The following FHIT variants were observed in gnomAD, a reference collection of about 807,000 sequenced individuals.
FHIT encodes bis(5'-adenosyl)-triphosphatase.
Under a neutral mutation model 17.9 loss-of-function variants are expected in FHIT, and 19 were observed. The observed-to-expected ratio is 1.06, with a 90% CI of 0.74 to 1.56. The LOEUF is 1.56. FHIT is among the 40% of genes most tolerant of loss of function. The pLI is 0.00. For synonymous variants in FHIT, 81 were observed against 69.7 expected (o/e 1.16, Z -0.81); for missense variants, 248 against 189.2 (o/e 1.31, Z -1.82).
intron 5 of FHIT, among the ~76,000 whole-genome samples, chr3:60,066,266 C>T (rs1702499354): frequency 1.3e-5 from 2 of 152,020 alleles, no homozygotes; most frequent in Admixed American, 1.3e-4. Context: ...CATTTCTCAC[C>T]TTGTTCTCAT....
At chr3:60,009,523 T>A (rs1200561989) in intron 7 of FHIT, among the ~76,000 whole-genome samples, 1 of 152,126 alleles carries the variant, frequency 6.6e-6, no homozygotes, top group Non-Finnish European at 1.5e-5. Context: ...TTTGGCCAGA[T>A]AATTGGGACA....
intron 5 of FHIT, among the ~76,000 whole-genome samples, chr3:60,157,587 G>A (rs912284542): frequency 2.0e-5 from 3 of 152,186 alleles, no homozygotes; most frequent in Non-Finnish European, 4.4e-5. Context: ...CTGAGGAAAA[G>A]GCAGAGTAGA....
chr3:59,858,836 T>TA (rs1457277395), intron 8 of FHIT, among the ~76,000 whole-genome samples: 1 of 152,080 alleles, frequency 6.6e-6, no homozygotes, highest in African/African-American at 2.4e-5. Context: ...GGAAAAGACT[T>TA]AGATTTGAAT....
chr3:59,966,189 C>CA (rs1193841294), intron 7 of FHIT, among the ~76,000 whole-genome samples: 21 of 152,150 alleles, frequency 1.4e-4, no homozygotes, highest in Non-Finnish European at 1.5e-5. Context: ...TCTTAGTATT[C>CA]AACCTCCCAT....
intron 4 of FHIT, among the ~76,000 whole-genome samples, chr3:60,724,618 T>C (rs2041876124): frequency 1.3e-5 from 2 of 151,504 alleles, no homozygotes; most frequent in South Asian, 4.2e-4. Flanking sequence ...TTTCTCCACA[T>C]CCTTGCTAAT....
At chr3:60,456,458 C>T (rs1447168408) in intron 5 of FHIT, among the ~76,000 whole-genome samples, 2 of 152,186 alleles carry the variant, frequency 1.3e-5, no homozygotes, top group Admixed American at 1.3e-4. Context: ...ACACTATGTA[C>T]CTTCTTAAAT....
At chr3:60,196,047 A>T (rs1156515096) in intron 5 of FHIT, among the ~76,000 whole-genome samples, 4 of 152,158 alleles carry the variant, frequency 2.6e-5, no homozygotes, top group Admixed American at 2.0e-4. Flanking sequence ...AACGAAAAAA[A>T]CTTGAAAGTG....
chr3:60,797,107 A>G (rs1701009889), intron 4 of FHIT, among the ~76,000 whole-genome samples: 1 of 152,190 alleles, frequency 6.6e-6, no homozygotes, highest in Non-Finnish European at 1.5e-5. Flanking sequence ...GCATTTTCTA[A>G]TCACCATAAG....
intron 5 of FHIT, among the ~76,000 whole-genome samples, chr3:60,075,688 G>A (rs568429395): frequency 5.9e-4 from 90 of 152,040 alleles, no homozygotes; most frequent in Middle Eastern, 6.8e-3. Flanking sequence ...CAAAGATCCT[G>A]TTTGTTTACC....
chr3:59,866,677 C>T (rs1049137544), intron 8 of FHIT, among the ~76,000 whole-genome samples: 2 of 152,112 alleles, frequency 1.3e-5, no homozygotes, highest in African/African-American at 4.8e-5. Context: ...CTTGAAATCA[C>T]TAACCAGAAT....
chr3:59,896,805 C>A (rs1704092459), intron 8 of FHIT, among the ~76,000 whole-genome samples: 1 of 152,032 alleles, frequency 6.6e-6, no homozygotes, highest in Non-Finnish European at 1.5e-5. Context: ...TATTCACAAG[C>A]AGTATCAGAG....
At chr3:60,525,826 G>A (rs1455629922) in intron 5 of FHIT, among the ~76,000 whole-genome samples, 3 of 152,074 alleles carry the variant, frequency 2.0e-5, no homozygotes, top group Non-Finnish European at 4.4e-5. Context: ...GTGACAGGTG[G>A]CCAGGTGTGG....
At chr3:59,973,528 T>C (rs1158182155) in intron 7 of FHIT, among the ~76,000 whole-genome samples, 2 of 152,162 alleles carry the variant, frequency 1.3e-5, no homozygotes, top group African/African-American at 4.8e-5. Flanking sequence ...AGAAGATCTC[T>C]TGTGGTCTTT....
chr3:60,365,920 T>C (rs1011029595), intron 5 of FHIT, among the ~76,000 whole-genome samples: 6 of 152,292 alleles, frequency 3.9e-5, no homozygotes, highest in Admixed American at 2.6e-4. Context: ...GCATGTAACA[T>C]TCATAGATGC....
chr3:59,901,075 T>A (rs1463568693), intron 8 of FHIT, among the ~76,000 whole-genome samples: 1 of 152,244 alleles, frequency 6.6e-6, no homozygotes, highest in Non-Finnish European at 1.5e-5. Flanking sequence ...TGCTTTTGTT[T>A]CTGTTCTCAT....
chr3:59,936,020 A>G (rs1706220613), intron 7 of FHIT, among the ~76,000 whole-genome samples: 1 of 152,144 alleles, frequency 6.6e-6, no homozygotes, highest in African/African-American at 2.4e-5. Context: ...TTCTAGCCTC[A>G]CATAAATCCC....
In FHIT at chr3:59,960,554, G is replaced by A. The variant is rs752020295; in HGVS notation, c.280-38140C>T. On this transcript the variant is annotated intron_variant, in intron 7 of 9. Transcript: ENST00000492590. ...TAGGAGTTCAGAAAAGAGGTCTGGG[G>A]TGGAGACATTATCTTGACAGTCAGT... is the stretch of plus-strand genomic sequence containing the variant. Among the ~76,000 whole-genome samples, 5 of 150,094 alleles carry A rather than the reference G, an allele frequency of 3.3e-5. No individual in the cohort carries two copies. The East Asian group carries it at 5.9e-4, about 18-fold the overall frequency.
At chr3:60,843,747 T>C (rs1702822646) in intron 3 of FHIT, among the ~76,000 whole-genome samples, 1 of 152,194 alleles carries the variant, frequency 6.6e-6, no homozygotes, top group South Asian at 2.1e-4. Flanking sequence ...TGAATTTCTT[T>C]TTCTCTGTGT....
intron 5 of FHIT, among the ~76,000 whole-genome samples, chr3:60,188,203 CTTTCTT>C (rs1559711305): frequency 1.6e-5 from 1 of 64,054 alleles, no homozygotes; most frequent in African/African-American, 5.0e-5. Flanking sequence ...TTGACAGTTT[CTTTCTT>C]TTTTTTTTTT....
Sources: allele counts gnomAD v4.1 joint callset (sites outside exome capture counted in the v4.1 genomes callset), GRCh38; gene constraint gnomAD v4.1.1; transcripts MANE v1.5; gene names NCBI Gene and HGNC (gene_info 2026-07-23, HGNC 2026-07-21).